The following ANKRD30B variants were observed in gnomAD, a reference collection of about 807,000 sequenced individuals.
The protein encoded by ANKRD30B is ankyrin repeat domain 30B.
Under a neutral mutation model 202.2 loss-of-function variants are expected in ANKRD30B, and 144 were observed. The ratio of observed to expected loss-of-function variants is 0.71; its 90% CI spans 0.62 to 0.82. The LOEUF (loss-of-function observed/expected upper bound fraction) is 0.82, where lower values mean the gene tolerates loss of function less well. ANKRD30B is among the 40% of genes least tolerant of loss of function. The pLI is 0.00. For synonymous variants in ANKRD30B, 508 were observed against 561.3 expected, an observed-to-expected ratio of 0.91 and a Z score of 1.34; for missense variants, 1,487 against 1,669.1, an observed-to-expected ratio of 0.89 and a Z score of 1.90.
intron 5 of ANKRD30B, among the ~76,000 whole-genome samples, chr18:14,758,956 T>G (rs1388893899): frequency 6.6e-6 from 1 of 152,180 alleles, no homozygotes; most frequent in Non-Finnish European, 1.5e-5. Flanking sequence ...CTTTCCAAAG[T>G]TGTAGTGGGT....
chr18:14,796,388 T>A lies in ANKRD30B; in HGVS notation c.1900T>A (p.Leu634Ile). ...KVSLPNKALE[L>I]KDRETFKAES... The stretch of plus-strand genomic sequence containing the variant: ...TTCTCTTCCAAATAAAGCCTTAGAA[T>A]TAAAGGACAGAGAAACATTCAAAGC... The change falls in exon 18 of 44, where the codon TTA (leucine) becomes ATA (isoleucine). Residue 634 changes from leucine (L) to isoleucine (I), a missense_variant. By Grantham distance (5) the Leu-to-Ile change is conservative (BLOSUM62 2). Around this residue, in one of 6 missense-constraint regions of ANKRD30B, gnomAD observed 889 missense variants for 841.4 expected, o/e 1.06. Coordinates refer to ENST00000690538, the MANE Select transcript of ANKRD30B (RefSeq NM_001367607.2). 6.4e-7 allele frequency: 1 copy of A among 1,560,314 alleles called. No homozygotes were observed. The highest frequency in any genetic ancestry group is 2.4e-5 in the East Asian group (1 of 41,642).
chr18:14,914,263 A>G, the ANKRD30B span, among the ~76,000 whole-genome samples: 1 of 152,224 alleles, frequency 6.6e-6, no homozygotes, highest in Admixed American at 6.5e-5. Flanking sequence ...GCTTTGTTCC[A>G]TGGCCTAGCT....
the ANKRD30B span, among the ~76,000 whole-genome samples, chr18:14,937,616 T>A: frequency 6.6e-6 from 1 of 151,692 alleles, no homozygotes; most frequent in Admixed American, 6.6e-5. Context: ...TGTTGCCAGG[T>A]TCCTCGAGCT....
chr18:14,798,394 G>A (rs1015020252), intron 20 of ANKRD30B, among the ~76,000 whole-genome samples: 22 of 151,934 alleles, frequency 1.4e-4, no homozygotes, highest in Admixed American at 3.3e-4. Context: ...TGTGTGCATC[G>A]GTAATTTCTA....
chr18:14,866,002 T>C, the ANKRD30B span, among the ~76,000 whole-genome samples: 1 of 152,222 alleles, frequency 6.6e-6, no homozygotes, highest in Non-Finnish European at 1.5e-5. Flanking sequence ...CTACTCTGAT[T>C]GGACTTTGTT....
chr18:14,827,981 A>C (rs1472566634), intron 32 of ANKRD30B, among the ~76,000 whole-genome samples: 1 of 152,236 alleles, frequency 6.6e-6, no homozygotes, highest in East Asian at 1.9e-4. Context: ...TCCCAAAAGA[A>C]TGCTTTGTAA....
the ANKRD30B span, among the ~76,000 whole-genome samples, chr18:14,864,483 C>A: frequency 6.6e-6 from 1 of 152,114 alleles, no homozygotes; most frequent in African/African-American, 2.4e-5. Context: ...TCTCTCACCA[C>A]CCTTTTTCTT....
chr18:14,877,649 G>A, the ANKRD30B span: 3 of 152,014 alleles, frequency 2.0e-5, no homozygotes, highest in Admixed American at 1.3e-4. Flanking sequence ...GAAAACTGAG[G>A]CTCAGAGGTG....
intron 22 of ANKRD30B, 119 bp downstream of exon 22, chr18:14,799,414 A>G (rs1430605548): frequency 4.8e-6 from 5 of 1,032,190 alleles, no homozygotes. Flanking sequence ...AAAATTTGAT[A>G]AAATAATGGC....
the ANKRD30B span, among the ~76,000 whole-genome samples, chr18:14,926,623 A>G: frequency 3.3e-5 from 5 of 152,348 alleles, no homozygotes; most frequent in Admixed American, 2.0e-4. Flanking sequence ...TTAAATTTTA[A>G]CATTTTATAT....
At chr18:14,922,441 G>A in the ANKRD30B span, among the ~76,000 whole-genome samples, 4 of 151,702 alleles carry the variant, frequency 2.6e-5, no homozygotes, top group African/African-American at 9.7e-5. Context: ...GGATCAAGAG[G>A]TCAGGAGATT....
chr18:14,796,339 T>A lies in ANKRD30B; in HGVS notation c.1855-4T>A. ...TTAATTTTTGTGTTTCCAAACCCAT[T>A]TAGCCTACCTGTGGAAGGAAAGTTT... On this transcript the variant is annotated splice_region_variant and splice_polypyrimidine_tract_variant and intron_variant, in intron 17 of 43. Transcript: ENST00000690538. 1 of 1,597,124 alleles carries A rather than the reference T, an allele frequency of 6.3e-7. No homozygotes were observed. Among genetic ancestry groups the A allele is most frequent in the South Asian group, 1.1e-5 (1 of 89,388 alleles).
At chr18:14,896,559 C>T in the ANKRD30B span, among the ~76,000 whole-genome samples, 1 of 148,798 alleles carries the variant, frequency 6.7e-6, no homozygotes, top group Non-Finnish European at 1.5e-5. Flanking sequence ...CGACATTTTA[C>T]ATTATTTATT....
At chr18:14,904,871 T>G in the ANKRD30B span, among the ~76,000 whole-genome samples, 1 of 152,052 alleles carries the variant, frequency 6.6e-6, no homozygotes, top group Non-Finnish European at 1.5e-5. Context: ...AGGGGCATGG[T>G]AAAATAAGGG....
At chr18:14,878,062 T>C in the ANKRD30B span, 2 of 152,136 alleles carry the variant, frequency 1.3e-5, no homozygotes, top group African/African-American at 4.8e-5. Flanking sequence ...AAAGTGGAGG[T>C]TGCCAGTGAG....
rs1969025465 is a variant in ANKRD30B at position 14,797,862 on chromosome 18, T to G, written c.2029+8T>G. ...GAGAAACACTCAAAGCAGGTACATT[T>G]TGTAATTTAAATTTTAATCTGGAAT... On this transcript the variant is annotated splice_region_variant and intron_variant, in intron 20 of 43. Transcript: ENST00000690538. 6.5e-7 allele frequency: 1 copy of G among 1,540,504 alleles called. No individual in the cohort carries two copies. Among genetic ancestry groups the G allele is most frequent in the South Asian group, 1.2e-5 (1 of 81,812 alleles).
downstream of ANKRD30B, among the ~76,000 whole-genome samples, chr18:14,859,179 G>C (rs149264469): frequency 0.44 from 27,120 of 61,382 alleles, 6,539 homozygotes; most frequent in African/African-American, 0.62. Context: ...GATGGGGCGG[G>C]CTGGCAGAGG....
intron 15 of ANKRD30B, among the ~76,000 whole-genome samples, chr18:14,787,522 A>G (rs1415781321): frequency 6.6e-6 from 1 of 152,188 alleles, no homozygotes; most frequent in African/African-American, 2.4e-5. Flanking sequence ...TTGGGACCTG[A>G]AAAGTTAGTG....
chr18:14,885,071 G>C, the ANKRD30B span, among the ~76,000 whole-genome samples: 96 of 152,176 alleles, frequency 6.3e-4, 1 homozygote, highest in Middle Eastern at 3.4e-3. Context: ...TCTGTTTTAA[G>C]GTGATCATAG....
Sources: allele counts gnomAD v4.1 joint callset (sites outside exome capture counted in the v4.1 genomes callset), GRCh38; gene constraint gnomAD v4.1.1; regional missense constraint gnomAD v4.1.1; transcripts MANE v1.5; gene names NCBI Gene and HGNC (gene_info 2026-07-23, HGNC 2026-07-21).